Variants in LAMC3 observed in about 807,000 individuals in gnomAD.
LAMC3 encodes laminin subunit gamma 3, also known as laminin subunit gamma-3.
LAMC3 carries 128 observed loss-of-function variants against 173.8 expected under a neutral mutation model. The observed-to-expected ratio is 0.74, with a 90% CI of 0.64 to 0.85. The LOEUF (loss-of-function observed/expected upper bound fraction) is 0.85, where lower values mean the gene tolerates loss of function less well. Ranked by LOEUF, LAMC3 falls within the 40% of genes least tolerant of loss-of-function variation. The pLI is 0.00. For synonymous variants in LAMC3, 897 were observed against 909.1 expected, an observed-to-expected ratio of 0.99 and a Z score of 0.24; for missense variants, 2,022 against 2,156.0, an observed-to-expected ratio of 0.94 and a Z score of 1.23.
At chr9:131,011,425 T>G (rs1195051090) in intron 1 of LAMC3, among the ~76,000 whole-genome samples, 1 of 152,176 alleles carries the variant, frequency 6.6e-6, no homozygotes, top group Non-Finnish European at 1.5e-5. Flanking sequence ...TGATGTGAGT[T>G]CCGCCACCCA....
intron 13 of LAMC3, among the ~76,000 whole-genome samples, chr9:131,064,524 G>A (rs1242826274): frequency 1.3e-5 from 2 of 152,130 alleles, no homozygotes; most frequent in Non-Finnish European, 2.9e-5. Flanking sequence ...TTAGCCGGGC[G>A]AGGTGGCGGG....
chr9:131,079,954 G>A lies in LAMC3; in HGVS notation c.3927+656G>A, dbSNP rs191751642. ...CTGCAGAGAAGCGGCCACTTTCCAAGGCAGCTGTACCGATAATTTTGTTTT... is the reference window on the plus strand; with the variant it reads ...CTGCAGAGAAGCGGCCACTTTCCAAAGCAGCTGTACCGATAATTTTGTTTT... On this transcript the variant is annotated intron_variant, in intron 23 of 27. Transcript: ENST00000361069. 2.0e-3 allele frequency among the ~76,000 whole-genome samples: 308 copies of A among 152,280 alleles called. 1 individual carries two copies. Among genetic ancestry groups the A allele is most frequent in the Non-Finnish European group, 3.5e-3 (236 of 68,022 alleles).
At chr9:131,039,331 C>T (rs1834003069) in intron 6 of LAMC3, 83 bp downstream of exon 6, 3 of 1,093,674 alleles carry the variant, frequency 2.7e-6, no homozygotes, top group South Asian at 1.3e-5. Context: ...CAGTCCCTCC[C>T]CTCCCCATCC....
chr9:131,042,157 A>G (rs547336351), intron 7 of LAMC3, among the ~76,000 whole-genome samples: 1 of 152,134 alleles, frequency 6.6e-6, no homozygotes, highest in African/African-American at 2.4e-5. Flanking sequence ...ATGGAGCACT[A>G]TCACAGGCCT....
At chr9:131,086,575 C>CTTTTTTTTTTTTTTTTTTTTTT (rs778812487) in intron 25 of LAMC3, among the ~76,000 whole-genome samples, 3 of 92,476 alleles carry the variant, frequency 3.2e-5, no homozygotes, top group Admixed American at 1.2e-4. Flanking sequence ...GCCTGGCTAA[C>CTTTTTTTTTTTTTTTTTTTTTT]TTTTTTTTTT....
At chr9:131,040,572 T>C (rs1834031027) in intron 6 of LAMC3, among the ~76,000 whole-genome samples, 1 of 152,152 alleles carries the variant, frequency 6.6e-6, no homozygotes, top group Non-Finnish European at 1.5e-5. Flanking sequence ...CTAGGAGAGC[T>C]CTGATTCCTT....
At chr9:131,071,456 A>C in intron 17 of LAMC3, 28 bp from the exon 18 acceptor site, 1 of 1,592,428 alleles carries the variant, frequency 6.3e-7, no homozygotes, top group Non-Finnish European at 8.6e-7. Context: ...CACCAGCCTC[A>C]TACACCTTTT....
intron 13 of LAMC3, among the ~76,000 whole-genome samples, chr9:131,066,447 T>C (rs1588160612): frequency 1.3e-5 from 2 of 152,012 alleles, no homozygotes; most frequent in East Asian, 3.9e-4. Flanking sequence ...GCCGAGATCG[T>C]ACCACACTAC....
intron 1 of LAMC3, among the ~76,000 whole-genome samples, chr9:131,013,552 C>T (rs1347326133): frequency 4.6e-5 from 7 of 152,178 alleles, no homozygotes; most frequent in Non-Finnish European, 8.8e-5. Flanking sequence ...GGGCCATGTG[C>T]GGCCCCTGTC....
chr9:131,067,326 G>C, intron 14 of LAMC3, 121 bp downstream of exon 14: 2 of 1,268,196 alleles, frequency 1.6e-6, no homozygotes, highest in Non-Finnish European at 2.3e-6. Context: ...CCTCTGCAAG[G>C]CTGTCCAGCC....
At chr9:131,050,673 C>T (rs1214176888) in intron 9 of LAMC3, among the ~76,000 whole-genome samples, 1 of 151,590 alleles carries the variant, frequency 6.6e-6, no homozygotes, top group Non-Finnish European at 1.5e-5. Flanking sequence ...GAGGCTGAGA[C>T]AGGAGAATTG....
intron 24 of LAMC3, among the ~76,000 whole-genome samples, chr9:131,084,644 C>T (rs983006626): frequency 3.9e-5 from 6 of 152,088 alleles, no homozygotes; most frequent in Non-Finnish European, 5.9e-5. Context: ...CACCCGTAAT[C>T]CCAGCACTTT....
At chr9:131,089,772 T>G (rs1830392215) in intron 27 of LAMC3, among the ~76,000 whole-genome samples, 2 of 152,128 alleles carry the variant, frequency 1.3e-5, no homozygotes, top group African/African-American at 4.8e-5. Flanking sequence ...TTTTCAATTT[T>G]CATTCGTAGT....
chr9:131,042,955 G>A (rs1588147965), intron 7 of LAMC3, among the ~76,000 whole-genome samples: 1 of 140,938 alleles, frequency 7.1e-6, no homozygotes, highest in African/African-American at 2.9e-5. Context: ...AGACATCACT[G>A]ATGGCATACC....
intron 25 of LAMC3, among the ~76,000 whole-genome samples, chr9:131,086,575 C>CTTTTTTTTTTTTTTTTTTT (rs778812487): frequency 1.5e-4 from 14 of 92,476 alleles, no homozygotes; most frequent in Non-Finnish European, 1.6e-4. Flanking sequence ...GCCTGGCTAA[C>CTTTTTTTTTTTTTTTTTTT]TTTTTTTTTT....
At position 131,072,772 on chromosome 9, in the gene LAMC3, G is replaced by A. The variant is rs1830057884; in HGVS notation, c.3354G>A (p.Leu1118=). 1 of 1,613,430 alleles carries A rather than the reference G, an allele frequency of 6.2e-7. No homozygotes were observed. Among genetic ancestry groups the A allele is most frequent in the Non-Finnish European group, 8.5e-7 (1 of 1,179,810 alleles). The part of the protein sequence containing the change: ...SQKTCTQLAD[L]EAVLESSEEE... ...AGACCTGCACCCAGCTGGCAGACCTGGAGGCAGTGCTGGAGTCCTCGGAAG... is the reference window on the plus strand; with the variant it reads ...AGACCTGCACCCAGCTGGCAGACCTAGAGGCAGTGCTGGAGTCCTCGGAAG... Residue 1118 remains leucine (L), a synonymous_variant, in exon 19 of 28, where the codon CTG becomes CTA. Transcript: ENST00000361069.
At position 131,068,951 on chromosome 9, in the gene LAMC3, C is replaced by T. The variant is rs557242438; in HGVS notation, c.2791C>T (p.Pro931Ser). Residue 931 changes from proline to serine, a missense_variant, in exon 16 of 28, where the codon CCC becomes TCC. Physicochemically the swap from Pro to Ser is moderately conservative, Grantham distance 74. Coordinates refer to ENST00000361069, the MANE Select transcript of LAMC3 (RefSeq NM_006059.4). ...GGGCTCCCAGGAGGACCAGTGCCAT[C>T]CCAAGACTGGACAGTGCACCTGCCG... ...PLGSQEDQCH[P>S]KTGQCTCRPG... 3.7e-6 allele frequency: 6 copies of T among 1,614,126 alleles called. No individual in the cohort carries two copies. In the Admixed American group the frequency reaches 5.0e-5, roughly 13 times the overall value.
chr9:131,022,463 G>T (rs952099557), intron 1 of LAMC3, among the ~76,000 whole-genome samples: 1 of 151,932 alleles, frequency 6.6e-6, no homozygotes, highest in South Asian at 2.1e-4. Context: ...TTCACATACC[G>T]TATAATTTAC....
At chr9:131,074,015 C>T (rs1305105876) in intron 20 of LAMC3, among the ~76,000 whole-genome samples, 1 of 143,120 alleles carries the variant, frequency 7.0e-6, no homozygotes, top group Non-Finnish European at 1.5e-5. Flanking sequence ...GGCGCTATCT[C>T]GGCTCACTGC....
Sources: allele counts gnomAD v4.1 joint callset (sites outside exome capture counted in the v4.1 genomes callset), GRCh38; gene constraint gnomAD v4.1.1; transcripts MANE v1.5; gene names NCBI Gene and HGNC (gene_info 2026-07-23, HGNC 2026-07-21).